SIRT3: variants seen among roughly 807,000 people sequenced by gnomAD.
SIRT3 encodes the protein NAD-dependent protein deacetylase sirtuin-3, mitochondrial.
A neutral mutation model predicts 33.5 loss-of-function variants in SIRT3; 26 were observed. The ratio of observed to expected loss-of-function variants is 0.78; its 90% CI spans 0.57 to 1.08. SIRT3 has a LOEUF of 1.08. Among genes scored for constraint, SIRT3 ranks in the 50% least tolerant of loss-of-function variants. The probability of loss-of-function intolerance (pLI) is 0.00; values close to 1 mark genes in which losing one functional copy is unlikely to be tolerated. For missense variants in SIRT3, 585 were observed against 530.1 expected (o/e 1.10, Z -1.02); for synonymous variants, 237 against 222.1 (o/e 1.07, Z -0.60).
At chr11:224,293 G>A (rs892193682) in intron 4 of SIRT3, 54 bp from the exon 5 acceptor site, 1 of 1,560,376 alleles carries the variant, frequency 6.4e-7, no homozygotes, top group African/African-American at 1.4e-5. Flanking sequence ...CCCTGTAAAA[G>A]GAAAAGGCAA....
At chr11:225,562 G>A (rs1857062786) in intron 4 of SIRT3, 1 of 152,102 alleles carries the variant, frequency 6.6e-6, no homozygotes, top group African/African-American at 2.4e-5. Context: ...AAAACTCAAT[G>A]TCTGTTTTGA....
intron 5 of SIRT3, among the ~76,000 whole-genome samples, chr11:221,767 T>G (rs553585242): frequency 6.6e-6 from 1 of 152,222 alleles, no homozygotes; most frequent in Non-Finnish European, 1.5e-5. Context: ...GGGAAACTGT[T>G]GGCATTAACA....
upstream of SIRT3, chr11:236,911 G>GGCCC: frequency 4.2e-6 from 3 of 713,978 alleles, no homozygotes; most frequent in South Asian, 3.2e-5. Flanking sequence ...CAACCAGCGG[G>GGCCC]GCCCGCCCCC....
intron 1 of SIRT3, among the ~76,000 whole-genome samples, chr11:235,468 G>A (rs1215240079): frequency 6.6e-6 from 1 of 152,242 alleles, no homozygotes; most frequent in Non-Finnish European, 1.5e-5. Context: ...GCCTCCGAAA[G>A]TGCTGGTATT....
chr11:215,174 C>CACTT lies in SIRT3; in HGVS notation c.*1520_*1523dup, dbSNP rs1306397859. On this transcript the variant is annotated 3_prime_UTR_variant, in exon 7 of 7. Coordinates refer to ENST00000382743, the MANE Select transcript of SIRT3 (RefSeq NM_012239.6). ...CAGTGGCTCATGCCTGTAATCCCAG[C>CACTT]ACTTTGGGAGGCCGAGGTGGGTGGA... 6.5e-6 allele frequency: 1 copy of CACTT among 153,098 alleles called. No individual in the cohort carries two copies. Among genetic ancestry groups the CACTT allele is most frequent in the Non-Finnish European group, 1.5e-5 (1 of 68,690 alleles). The allele number at this position is 153,098 out of a possible 1,614,324, so 9.5% of individuals were successfully genotyped here.
intron 5 of SIRT3, among the ~76,000 whole-genome samples, chr11:220,347 A>G (rs1027927411): frequency 3.7e-4 from 56 of 150,384 alleles, no homozygotes; most frequent in East Asian, 9.7e-4. Context: ...AAAAAAAAAA[A>G]AAAGAAAGAA....
In SIRT3 at chr11:216,676, T is replaced by C; in HGVS notation, c.*22A>G. Reference sequence around the variant, plus strand: ...TGGATGTCTCCTATGTTACCATTTATTGTGTGGGGGCAGCCATCATCCTAT... The same window carrying C: ...TGGATGTCTCCTATGTTACCATTTACTGTGTGGGGGCAGCCATCATCCTAT... On this transcript the variant is annotated 3_prime_UTR_variant, in exon 7 of 7. Coordinates refer to ENST00000382743, the MANE Select transcript of SIRT3 (RefSeq NM_012239.6). 1 of 1,613,872 alleles carries C rather than the reference T, an allele frequency of 6.2e-7. No individual in the cohort carries two copies. Among genetic ancestry groups the C allele is most frequent in the Non-Finnish European group, 8.5e-7 (1 of 1,179,794 alleles).
At chr11:232,086 A>T (rs1275697871) in intron 3 of SIRT3, among the ~76,000 whole-genome samples, 1 of 151,996 alleles carries the variant, frequency 6.6e-6, no homozygotes, top group Non-Finnish European at 1.5e-5. Context: ...GTGAATCACT[A>T]TCAGAGTTGT....
Position 216,222 on chromosome 11 carries a change from ATG to A in SIRT3, c.*474_*475del, listed in dbSNP as rs1441093241. The A allele has an allele frequency of 1.9e-5, 3 of 157,706 alleles. No individual in the cohort carries two copies. The highest frequency in any genetic ancestry group is 7.2e-5 in the African/African-American group (3 of 41,640). The allele number at this position is 157,706 out of a possible 1,614,324, so 9.8% of individuals were successfully genotyped here. On this transcript the variant is annotated 3_prime_UTR_variant, in exon 7 of 7. Coordinates refer to ENST00000382743, the MANE Select transcript of SIRT3 (RefSeq NM_012239.6). ...AATAGCCCCACTAAAGGAGACCAAC[ATG>A]CTAGAAGTGCGGCACCAGGGCCTCA...
rs1564817170 is a variant in SIRT3 at position 236,282 on chromosome 11, C to T, written c.47G>A (p.Gly16Asp). Reference sequence around the variant, plus strand: ...GGCCTCGACCCGTTCAACTACCCGGCCCCACAGCCGGAGGGCTGCCGCGGC... The same window carrying T: ...GGCCTCGACCCGTTCAACTACCCGGTCCCACAGCCGGAGGGCTGCCGCGGC... ...WRAAAALRLW[G>D]RVVERVEAGG... The change falls in exon 1 of 7, where the codon GGC becomes GAC. Residue 16 changes from glycine to aspartate, a missense_variant. Transcript: ENST00000382743. 2.6e-6 allele frequency: 4 copies of T among 1,537,122 alleles called. No homozygotes were observed. In the African/African-American group the frequency reaches 4.1e-5, roughly 16 times the overall value.
rs759784223 is a variant in SIRT3, at chr11:236,035, T to G, written c.281+13A>C. 3 of 1,496,928 alleles carry G rather than the reference T, an allele frequency of 2.0e-6. No homozygotes were observed. The highest frequency in any genetic ancestry group is 2.8e-5 in the African/African-American group (2 of 70,436). The allele number at this position is 1,496,928 out of a possible 1,614,324, so 92.7% of individuals were successfully genotyped here. On this transcript the variant is annotated intron_variant, in intron 1 of 6. Transcript: ENST00000382743. ...ACGAACACGCAAGAAGTGCTTGTCC[T>G]TGCCCAAAATACCTCGAAAAGAAGA...
In SIRT3 at chr11:215,281, G is replaced by C. The variant is rs1855540235; in HGVS notation, c.*1417C>G. Among the ~76,000 whole-genome samples, 2 of 152,114 alleles carry C rather than the reference G, an allele frequency of 1.3e-5. No homozygotes were observed. The highest frequency in any genetic ancestry group is 2.9e-5 in the Non-Finnish European group (2 of 68,022). ...TATTACAAATATGCCCATGTGCTAG[G>C]TGTGGTGGGACACACCTGTAATCCC... On this transcript the variant is annotated 3_prime_UTR_variant, in exon 7 of 7. Coordinates refer to ENST00000382743, the MANE Select transcript of SIRT3 (RefSeq NM_012239.6).
At chr11:234,239 G>A (rs935987150) in intron 1 of SIRT3, among the ~76,000 whole-genome samples, 1 of 152,204 alleles carries the variant, frequency 6.6e-6, no homozygotes, top group Admixed American at 6.5e-5. Flanking sequence ...GGGACCCTGA[G>A]GGGCAGGCAT....
chr11:224,981 C>A (rs7943477), intron 4 of SIRT3, among the ~76,000 whole-genome samples: 23,731 of 151,332 alleles, frequency 0.16, 2,347 homozygotes, highest in Middle Eastern at 0.22. Flanking sequence ...GAAAGAGACC[C>A]ACGAAAGATT....
At chr11:219,847 T>C (rs1006781448) in intron 5 of SIRT3, among the ~76,000 whole-genome samples, 14 of 152,202 alleles carry the variant, frequency 9.2e-5, no homozygotes, top group African/African-American at 3.4e-4. Flanking sequence ...GATCTGACTA[T>C]GTAAATACTA....
Position 223,600 on chromosome 11 carries a change from T to G in SIRT3, c.969+478A>C. On this transcript the variant is annotated intron_variant, in intron 5 of 6. Coordinates refer to ENST00000382743, the MANE Select transcript of SIRT3 (RefSeq NM_012239.6). The surrounding 1 kb of genome is among the most constrained non-coding windows in gnomAD (Gnocchi z 4.8). ...GATCTGACCTGGGAGGCCCTGCCCC[T>G]CCACCTCGCCCCCACACCCCCATCC... 5.9e-6 allele frequency: 2 copies of G among 340,860 alleles called. No individual in the cohort carries two copies. The allele number at this position is 340,860 out of a possible 1,614,324, so 21.1% of individuals were successfully genotyped here.
At chr11:228,702 T>G (rs758213433) in intron 4 of SIRT3, among the ~76,000 whole-genome samples, 4 of 152,016 alleles carry the variant, frequency 2.6e-5, no homozygotes, top group Non-Finnish European at 4.4e-5. Flanking sequence ...TTCTCAGATA[T>G]GATTCCAAAA....
upstream of SIRT3, chr11:236,832 A>G (rs964547432): frequency 3.4e-6 from 2 of 585,072 alleles, no homozygotes; most frequent in Non-Finnish European, 6.1e-6. Flanking sequence ...GGCACAGCCA[A>G]GTGCGCGGGA....
rs766977903 is a variant in SIRT3, at chr11:224,203, C to T, written c.844G>A (p.Val282Ile). ...TCGGGCTTCACAACGCCGGTGCAGA[C>T]CGGGCAGCGGGGAACCCTGTCTGCC... is the stretch of plus-strand genomic sequence containing the variant. ...VMADRVPRCP[V>I]CTGVVKPDIV... Residue 282 changes from valine (V) to isoleucine (I), a missense_variant, in exon 5 of 7, where the codon GTC becomes ATC. By Grantham distance (29) the Val-to-Ile change is conservative (BLOSUM62 3). Coordinates refer to ENST00000382743, the MANE Select transcript of SIRT3 (RefSeq NM_012239.6). The T allele has an allele frequency of 6.2e-7, 1 of 1,614,144 alleles. No homozygotes were observed. Among genetic ancestry groups the T allele is most frequent in the Non-Finnish European group, 8.5e-7 (1 of 1,180,044 alleles).
Sources: allele counts gnomAD v4.1 joint callset (sites outside exome capture counted in the v4.1 genomes callset), GRCh38; gene constraint gnomAD v4.1.1; non-coding constraint Gnocchi (gnomAD v3.1); transcripts MANE v1.5; gene names NCBI Gene and HGNC (gene_info 2026-07-23, HGNC 2026-07-21).